CELF2: variants seen among roughly 807,000 people sequenced by gnomAD.
CELF2 encodes the protein CUG triplet repeat RNA-binding protein 2.
Under a neutral mutation model 62.6 loss-of-function variants are expected in CELF2, and 8 were observed. The ratio of observed to expected loss-of-function variants is 0.13; its 90% confidence interval spans 0.07 to 0.23. The LOEUF (loss-of-function observed/expected upper bound fraction) is 0.23. CELF2 is among the 10% of genes least tolerant of loss of function. The pLI, the probability that CELF2 is intolerant of heterozygous loss-of-function variation, is 1.00. For synonymous variants in CELF2, 258 were observed against 250.0 expected, an observed-to-expected ratio of 1.03 and a Z score of -0.30; for missense variants, 333 against 671.0, an observed-to-expected ratio of 0.50 and a Z score of 5.56.
At chr10:11,259,429 T>TA (rs11404486) in intron 5 of CELF2, among the ~76,000 whole-genome samples, 38,559 of 137,490 alleles carry the variant, frequency 0.28, 6,068 homozygotes, top group Non-Finnish European at 0.36. Flanking sequence ...GAAGGTGGTT[T>TA]AAAAAAAAAA....
chr10:11,205,376 C>T (rs2060200072), intron 2 of CELF2, among the ~76,000 whole-genome samples: 2 of 152,346 alleles, frequency 1.3e-5, no homozygotes, highest in Middle Eastern at 3.4e-3. Context: ...TGCATAGTGT[C>T]TGTTAGGGCT....
the CELF2 span, among the ~76,000 whole-genome samples, chr10:10,548,068 G>A: frequency 6.6e-6 from 1 of 152,154 alleles, no homozygotes; most frequent in African/African-American, 2.4e-5. Flanking sequence ...AAGTCAAAGG[G>A]GAAAGAGCCC....
At chr10:10,637,963 T>C in the CELF2 span, among the ~76,000 whole-genome samples, 3 of 152,178 alleles carry the variant, frequency 2.0e-5, no homozygotes, top group South Asian at 4.1e-4. Context: ...AATCATAAGG[T>C]TATTATATAT....
chr10:10,580,306 G>T, the CELF2 span, among the ~76,000 whole-genome samples: 6 of 152,110 alleles, frequency 3.9e-5, no homozygotes, highest in Non-Finnish European at 8.8e-5. Flanking sequence ...AGTGCACTTT[G>T]CAAGAGAGAG....
At chr10:10,469,206 G>A in the CELF2 span, among the ~76,000 whole-genome samples, 11 of 151,688 alleles carry the variant, frequency 7.3e-5, no homozygotes, top group Non-Finnish European at 7.4e-5. Flanking sequence ...CCATGTTATC[G>A]TGCATATTTT....
At chr10:11,317,336 G>A (rs2095089539) in intron 10 of CELF2, 1 of 152,184 alleles carries the variant, frequency 6.6e-6, no homozygotes, top group Non-Finnish European at 1.5e-5. Context: ...AATATCTATA[G>A]TTTACACAGC....
chr10:11,011,478 A>C lies in CELF2; in HGVS notation c.53+6038A>C, dbSNP rs1028914091. On this transcript the variant is annotated intron_variant, in intron 1 of 12. Transcript: ENST00000416382. The surrounding 1 kb of genome is among the most constrained non-coding windows in gnomAD (Gnocchi z 4.6). ...ATCTTTATTATTAAAAAAAAAAAAA[A>C]CGCAAAATACAATCCTTAGCTTCAT... Among the ~76,000 whole-genome samples the C allele has an allele frequency of 1.1e-4, 17 of 151,412 alleles. No homozygotes were observed. The highest frequency in any genetic ancestry group is 5.3e-4 in the Admixed American group (8 of 15,210).
the CELF2 span, among the ~76,000 whole-genome samples, chr10:10,637,646 A>G: frequency 3.3e-5 from 5 of 152,194 alleles, no homozygotes; most frequent in Admixed American, 6.5e-5. Flanking sequence ...CTAAAACCAT[A>G]TTCTTCCTTG....
chr10:11,082,105 G>C (rs997171195), intron 1 of CELF2, among the ~76,000 whole-genome samples: 1 of 152,110 alleles, frequency 6.6e-6, no homozygotes, highest in Non-Finnish European at 1.5e-5. Context: ...CCAGAGTCCT[G>C]TGGAGGGCAG....
Position 10,957,439 on chromosome 10 carries a change from C to T in CELF2, c.89+37440C>T, listed in dbSNP as rs770565038. 6.6e-6 allele frequency among the ~76,000 whole-genome samples: 1 copy of T among 152,120 alleles called. No individual in the cohort carries two copies. The highest frequency in any genetic ancestry group is 1.5e-5 in the Non-Finnish European group (1 of 68,026). On this transcript the variant is annotated intron_variant, in intron 2 of 13. Coordinates refer to the CELF2 transcript ENST00000636488. This position sits in a 1 kb window ranked among gnomAD's most constrained non-coding sequence, Gnocchi z 4.1. ...AGGATGAATTGATTCACCTGTGAGG[C>T]AATGTGAGCTAAGGCCAGAAGAAAC...
the CELF2 span, among the ~76,000 whole-genome samples, chr10:10,688,106 T>C: frequency 1.3e-5 from 2 of 152,358 alleles, no homozygotes; most frequent in South Asian, 4.1e-4. Flanking sequence ...TGTTTTGTTA[T>C]AGTCAGTCTG....
intron 1 of CELF2, among the ~76,000 whole-genome samples, chr10:10,899,446 T>G (rs564958076): frequency 1.3e-5 from 2 of 152,290 alleles, no homozygotes; most frequent in South Asian, 4.1e-4. Flanking sequence ...TTTATGCCAA[T>G]AGATTTGACA....
intron 2 of CELF2, among the ~76,000 whole-genome samples, chr10:10,994,015 C>T (rs1369721716): frequency 6.6e-6 from 1 of 152,172 alleles, no homozygotes; most frequent in Non-Finnish European, 1.5e-5. Flanking sequence ...GCCTCCAGAA[C>T]TGTGAGAAAT....
intron 2 of CELF2, among the ~76,000 whole-genome samples, chr10:11,180,589 A>G (rs888933719): frequency 3.3e-5 from 5 of 152,166 alleles, no homozygotes; most frequent in Non-Finnish European, 7.4e-5. Context: ...AGCTCTGGGT[A>G]TAGCCTGCCA....
intron 2 of CELF2, among the ~76,000 whole-genome samples, chr10:10,945,671 C>G (rs766774403): frequency 8.5e-5 from 13 of 152,194 alleles, no homozygotes; most frequent in Non-Finnish European, 1.9e-4. Context: ...GGGAGCCCCT[C>G]TCTGGGTGTA....
Position 11,099,958 on chromosome 10 carries a change from T to A in CELF2, c.75-65528T>A, listed in dbSNP as rs577316479. 1.9e-3 allele frequency among the ~76,000 whole-genome samples: 281 copies of A among 150,818 alleles called. 2 individuals carry two copies. Among genetic ancestry groups the A allele is most frequent in the African/African-American group, 6.2e-3 (255 of 41,134 alleles). ...GCTCATGCCCATAATCCCAGCACTT[T>A]GGGAGGCTCAGATGGGCAGATCACC... On this transcript the variant is annotated intron_variant, in intron 1 of 12. Coordinates refer to ENST00000633077, the MANE Select transcript of CELF2 (RefSeq NM_001326342.2).
At chr10:10,924,501 G>T (rs2065259184) in intron 2 of CELF2, among the ~76,000 whole-genome samples, 1 of 152,020 alleles carries the variant, frequency 6.6e-6, no homozygotes, top group African/African-American at 2.4e-5. Context: ...CTGCAGTAGA[G>T]ATTCATATGT....
At chr10:11,040,516 A>G (rs185842759) in intron 1 of CELF2, among the ~76,000 whole-genome samples, 1 of 152,104 alleles carries the variant, frequency 6.6e-6, no homozygotes, top group Non-Finnish European at 1.5e-5. Flanking sequence ...TGTATCTTCT[A>G]TGTAGCGACG....
intron 8 of CELF2, among the ~76,000 whole-genome samples, chr10:11,283,765 A>G (rs984857456): frequency 3.4e-5 from 5 of 148,430 alleles, no homozygotes; most frequent in Non-Finnish European, 7.4e-5. Flanking sequence ...CTTGTCATTA[A>G]TCAGTGCCAG....
Sources: allele counts gnomAD v4.1 joint callset (sites outside exome capture counted in the v4.1 genomes callset), GRCh38; gene constraint gnomAD v4.1.1; non-coding constraint Gnocchi (gnomAD v3.1); transcripts MANE v1.5; gene names NCBI Gene and HGNC (gene_info 2026-07-23, HGNC 2026-07-21).